The following PDCD2L variants were observed in gnomAD, a reference collection of about 807,000 sequenced individuals.
PDCD2L encodes programmed cell death 2 like, also known as uS5 assembly chaperone PDCD2L.
A neutral mutation model predicts 40.4 loss-of-function variants in PDCD2L; 44 were observed. That is an observed-to-expected ratio of 1.09 (90% CI 0.86 to 1.40). PDCD2L has a LOEUF of 1.40. PDCD2L is among the 40% of genes most tolerant of loss of function. The pLI, the probability that PDCD2L is intolerant of heterozygous loss-of-function variation, is 0.00. For synonymous variants in PDCD2L, 194 were observed against 174.6 expected (o/e 1.11, Z -0.88); for missense variants, 470 against 453.7 (o/e 1.04, Z -0.33).
intron 3 of PDCD2L, among the ~76,000 whole-genome samples, chr19:34,408,152 C>A (rs1258786001): frequency 6.6e-6 from 1 of 152,058 alleles, no homozygotes; most frequent in East Asian, 1.9e-4. Flanking sequence ...AAACAGTCCG[C>A]CCACCTCAAC....
At chr19:34,409,992 C>T (rs1308966597) in intron 4 of PDCD2L, among the ~76,000 whole-genome samples, 1 of 152,166 alleles carries the variant, frequency 6.6e-6, no homozygotes, top group Non-Finnish European at 1.5e-5. Context: ...ATGGTGATAT[C>T]TCTGTTCTCT....
chr19:34,416,466 C>G (rs373621667), intron 5 of PDCD2L, among the ~76,000 whole-genome samples: 1 of 152,152 alleles, frequency 6.6e-6, no homozygotes, highest in African/African-American at 2.4e-5. Context: ...TCTCAACATA[C>G]AGCATTTTAC....
intron 5 of PDCD2L, among the ~76,000 whole-genome samples, chr19:34,416,532 C>T (rs1475063030): frequency 6.6e-6 from 1 of 152,164 alleles, no homozygotes; most frequent in East Asian, 1.9e-4. Flanking sequence ...TGCATCCAGT[C>T]CCAGAAGAAC....
intron 4 of PDCD2L, among the ~76,000 whole-genome samples, chr19:34,413,434 C>T (rs1455608469): frequency 1.4e-5 from 2 of 146,292 alleles, no homozygotes; most frequent in African/African-American, 5.1e-5. Context: ...TTCCCGGGTT[C>T]AAGCGATTTC....
chr19:34,420,678 G>C (rs1490951051), intron 5 of PDCD2L, among the ~76,000 whole-genome samples: 4 of 151,778 alleles, frequency 2.6e-5, no homozygotes, highest in Admixed American at 1.3e-4. Context: ...TGTGTTCCCA[G>C]CTACTCAGGA....
intron 6 of PDCD2L, among the ~76,000 whole-genome samples, chr19:34,424,901 C>T (rs1181460002): frequency 2.0e-5 from 3 of 151,928 alleles, no homozygotes; most frequent in African/African-American, 4.8e-5. Context: ...CCTACCACCA[C>T]GCCCAGCTAA....
intron 5 of PDCD2L, among the ~76,000 whole-genome samples, chr19:34,418,149 A>G (rs183553969): frequency 8.3e-4 from 127 of 152,340 alleles, no homozygotes; most frequent in Non-Finnish European, 1.5e-3. Flanking sequence ...TTGACATACA[A>G]CAGACTGCGT....
chr19:34,409,305 C>G lies in PDCD2L; in HGVS notation c.481C>G (p.Arg161Gly). ...TGCCAAAGACGTAGACTGGACTGCT[C>G]GGCTCCAAGACCTCCGCCTGCAGGA... ...SSAKDVDWTA[R>G]LQDLRLQDAV... is the part of the protein sequence containing the mutation. Residue 161 changes from arginine to glycine, a missense_variant, in exon 4 of 7, where the codon CGG (arginine) becomes GGG (glycine). By Grantham distance (125) the Arg-to-Gly change is moderately radical. Transcript: ENST00000246535. 3.1e-6 allele frequency: 5 copies of G among 1,614,082 alleles called. No homozygotes were observed. Among genetic ancestry groups the G allele is most frequent in the Non-Finnish European group, 3.4e-6 (4 of 1,180,034 alleles).
chr19:34,418,037 G>C (rs77885607), intron 5 of PDCD2L, among the ~76,000 whole-genome samples: 1 of 152,166 alleles, frequency 6.6e-6, no homozygotes, highest in Admixed American at 6.6e-5. Flanking sequence ...AATAACAAAT[G>C]ATGTTGTGCA....
chr19:34,414,554 A>G (rs1394961325), intron 5 of PDCD2L, among the ~76,000 whole-genome samples: 3 of 128,578 alleles, frequency 2.3e-5, no homozygotes, highest in African/African-American at 6.1e-5. Flanking sequence ...GGTGTGATCA[A>G]TCATAGCTCA....
Position 34,409,337 on chromosome 19 carries a change from C to T in PDCD2L, c.513C>T (p.Val171=), listed in dbSNP as rs1366830213. 5 of 1,613,998 alleles carry T rather than the reference C, an allele frequency of 3.1e-6. No homozygotes were observed. In the Middle Eastern group the frequency reaches 5.0e-4, roughly 160 times the overall value. The part of the protein sequence containing the change: ...RLQDLRLQDA[V]LGAAHPVPPG... ...AAGACCTCCGCCTGCAGGATGCTGTCCTGGGTGCTGCCCATCCTGTGCCTC... is the reference window on the plus strand; with the variant it reads ...AAGACCTCCGCCTGCAGGATGCTGTTCTGGGTGCTGCCCATCCTGTGCCTC... Residue 171 remains valine (V), a synonymous_variant, in exon 4 of 7, where the codon GTC becomes GTT. Coordinates refer to ENST00000246535, the MANE Select transcript of PDCD2L (RefSeq NM_032346.2).
At chr19:34,413,894 G>T (rs528208278) in intron 5 of PDCD2L, 47 bp downstream of exon 5, 1 of 1,192,878 alleles carries the variant, frequency 8.4e-7, no homozygotes, top group Non-Finnish European at 1.2e-6. Flanking sequence ...GATTATAAAG[G>T]AATACATATT....
chr19:34,409,477 A>T lies in PDCD2L; in HGVS notation c.653A>T (p.Glu218Val), dbSNP rs747782438. ...HSLLRDYQQREGIAMDQLLSQ... is the reference protein window; with the variant it reads ...HSLLRDYQQRVGIAMDQLLSQ... ...CTTCTGAGGGACTATCAGCAGAGAG[A>T]AGGCATTGCCATGGATCAGTTGCTT... is the stretch of plus-strand genomic sequence containing the variant. The change falls in exon 4 of 7, where the codon GAA becomes GTA. Residue 218 changes from glutamate (E) to valine (V), a missense_variant. By Grantham distance (121) the Glu-to-Val change is moderately radical. Coordinates refer to ENST00000246535, the MANE Select transcript of PDCD2L (RefSeq NM_032346.2). 10 of 1,613,968 alleles carry T rather than the reference A, an allele frequency of 6.2e-6. No individual in the cohort carries two copies. Among genetic ancestry groups the T allele is most frequent in the Non-Finnish European group, 6.8e-6 (8 of 1,180,046 alleles).
chr19:34,424,587 G>T (rs2075167330), intron 6 of PDCD2L, among the ~76,000 whole-genome samples: 1 of 152,066 alleles, frequency 6.6e-6, no homozygotes, highest in Non-Finnish European at 1.5e-5. Context: ...CTTGGGGTGG[G>T]CTGTCCACAT....
chr19:34,414,205 G>A (rs758795605), intron 5 of PDCD2L, among the ~76,000 whole-genome samples: 17 of 151,006 alleles, frequency 1.1e-4, no homozygotes, highest in Middle Eastern at 3.4e-3. Context: ...AGAGGGAGTC[G>A]CGCTCTGTCG....
chr19:34,406,366 T>C (rs1399279156), intron 3 of PDCD2L, among the ~76,000 whole-genome samples: 1 of 152,142 alleles, frequency 6.6e-6, no homozygotes, highest in East Asian at 1.9e-4. Flanking sequence ...CCTCTAGCAA[T>C]TTGGAGATAC....
chr19:34,408,435 A>T lies in PDCD2L; in HGVS notation c.337-726A>T, dbSNP rs534135969. 1.5e-4 allele frequency among the ~76,000 whole-genome samples: 22 copies of T among 151,488 alleles called. No individual in the cohort carries two copies. The South Asian group carries it at 2.9e-3, about 20-fold the overall frequency. ...AACCTCCGCCTCCCGGGTTCAAGCG[A>T]TTCTCCTGCCTCAGCCTCCTGAGTA... is the stretch of plus-strand genomic sequence containing the variant. On this transcript the variant is annotated intron_variant, in intron 3 of 6. Coordinates refer to ENST00000246535, the MANE Select transcript of PDCD2L (RefSeq NM_032346.2).
chr19:34,407,368 T>C (rs2075081554), intron 3 of PDCD2L, among the ~76,000 whole-genome samples: 1 of 149,840 alleles, frequency 6.7e-6, no homozygotes. Context: ...GTCGATCTCT[T>C]TACCTCGTGA....
At position 34,409,342 on chromosome 19, in the gene PDCD2L, G is replaced by C; in HGVS notation, c.518G>C (p.Gly173Ala). The change falls in exon 4 of 7, where the codon GGT (glycine) becomes GCT (alanine). Residue 173 changes from glycine (G) to alanine (A), a missense_variant. By Grantham distance (60) the Gly-to-Ala change is moderately conservative. Transcript: ENST00000246535. The part of the protein sequence containing the change: ...QDLRLQDAVL[G>A]AAHPVPPGLP... ...CTCCGCCTGCAGGATGCTGTCCTGG[G>C]TGCTGCCCATCCTGTGCCTCCTGGG... is the stretch of plus-strand genomic sequence containing the variant. The C allele has an allele frequency of 1.2e-6, 2 of 1,613,878 alleles. No homozygotes were observed. Among genetic ancestry groups the C allele is most frequent in the Non-Finnish European group, 1.7e-6 (2 of 1,179,980 alleles).
Sources: allele counts gnomAD v4.1 joint callset (sites outside exome capture counted in the v4.1 genomes callset), GRCh38; gene constraint gnomAD v4.1.1; transcripts MANE v1.5; gene names NCBI Gene and HGNC (gene_info 2026-07-23, HGNC 2026-07-21).